The following GOLM2 variants were observed in gnomAD, a reference collection of about 807,000 sequenced individuals.
The protein encoded by GOLM2 is protein GOLM2.
A neutral mutation model predicts 55.9 loss-of-function variants in GOLM2; 26 were observed. The observed-to-expected ratio is 0.47, with a 90% CI of 0.34 to 0.65. GOLM2 has a LOEUF of 0.65. GOLM2 is among the 30% of genes least tolerant of loss of function. GOLM2 has a pLI of 0.01. For missense variants in GOLM2, 486 were observed against 531.8 expected, an observed-to-expected ratio of 0.91 and a Z score of 0.85; for synonymous variants, 165 against 194.6, an observed-to-expected ratio of 0.85 and a Z score of 1.27.
intron 6 of GOLM2, among the ~76,000 whole-genome samples, chr15:44,350,369 C>T (rs2079153440): frequency 6.6e-6 from 1 of 152,044 alleles, no homozygotes; most frequent in Admixed American, 6.6e-5. Flanking sequence ...TTTGGAAAAC[C>T]TAGAAGAAAG....
At chr15:44,335,445 T>A (rs1050604042) in intron 4 of GOLM2, among the ~76,000 whole-genome samples, 1 of 152,198 alleles carries the variant, frequency 6.6e-6, no homozygotes, top group African/African-American at 2.4e-5. Flanking sequence ...TGTTAACTAT[T>A]TTCAATGGAA....
rs2078702158 is a variant in GOLM2, at chr15:44,289,152, G to A, written c.123G>A (p.Leu41=). ...GGAGCATCTCCTCCCGCCACGTCCTGCTTCAGGAGGAGGTGGCCGAGCTGC... is the reference window on the plus strand; with the variant it reads ...GGAGCATCTCCTCCCGCCACGTCCTACTTCAGGAGGAGGTGGCCGAGCTGC... ...NYWSISSRHV[L]LQEEVAELQG... Residue 41 remains leucine, a synonymous_variant, in exon 1 of 10, where the codon CTG becomes CTA. Transcript: ENST00000299957. This position sits in a 1 kb window ranked among gnomAD's most constrained non-coding sequence, Gnocchi z 4.8. 1 of 1,614,200 alleles carries A rather than the reference G, an allele frequency of 6.2e-7. No homozygotes were observed. The highest frequency in any genetic ancestry group is 2.2e-5 in the East Asian group (1 of 44,878).
intron 1 of GOLM2, among the ~76,000 whole-genome samples, chr15:44,301,530 C>A (rs1200448083): frequency 6.6e-6 from 1 of 152,030 alleles, no homozygotes; most frequent in African/African-American, 2.4e-5. Flanking sequence ...TATACATTGA[C>A]TATGGAACTT....
rs867332901 is a variant in GOLM2 at position 44,397,497 on chromosome 15, A to C, written c.1073-5390A>C. Among the ~76,000 whole-genome samples the C allele has an allele frequency of 4.3e-3, 639 of 147,860 alleles. 4 individuals carry two copies. Among genetic ancestry groups the C allele is most frequent in the African/African-American group, 0.014 (565 of 39,790 alleles). On this transcript the variant is annotated intron_variant, in intron 8 of 9. Transcript: ENST00000299957. ...CCGTCTCAAAAAAAAAAAAAAAAAAAAAAAACAAAACCACACACACACACA... is the reference window on the plus strand; with the variant it reads ...CCGTCTCAAAAAAAAAAAAAAAAAACAAAAACAAAACCACACACACACACA...
chr15:44,334,079 TTC>T, intron 4 of GOLM2, among the ~76,000 whole-genome samples: 1 of 152,298 alleles, frequency 6.6e-6, no homozygotes, highest in Middle Eastern at 3.4e-3. Context: ...GCCAGTGTAA[TTC>T]TCTTTCTGTT....
chr15:44,321,176 T>C (rs2141129409), intron 1 of GOLM2, among the ~76,000 whole-genome samples: 1 of 151,986 alleles, frequency 6.6e-6, no homozygotes, highest in East Asian at 1.9e-4. Flanking sequence ...GGGGTGACTA[T>C]AACAGATTGC....
Position 44,367,009 on chromosome 15 carries a change from A to G in GOLM2, c.803-12681A>G, listed in dbSNP as rs143492143. On this transcript the variant is annotated intron_variant, in intron 6 of 9. Coordinates refer to ENST00000299957, the MANE Select transcript of GOLM2 (RefSeq NM_138423.4). The stretch of plus-strand genomic sequence containing the variant: ...ATCCTAACAAATTGCCAGTCTTGAT[A>G]TTAAAATTATAATTAAAAATTTTTC... 7.4e-3 allele frequency among the ~76,000 whole-genome samples: 1,128 copies of G among 152,308 alleles called. 12 individuals carry two copies. The highest frequency in any genetic ancestry group is 0.026 in the African/African-American group (1,079 of 41,598).
chr15:44,388,030 G>A (rs1408151701), intron 8 of GOLM2, among the ~76,000 whole-genome samples: 10 of 150,608 alleles, frequency 6.6e-5, no homozygotes, highest in South Asian at 2.1e-4. Flanking sequence ...GTGCAGTGGC[G>A]CAATCTCAGC....
At chr15:44,397,632 C>G (rs2079536817) in intron 8 of GOLM2, among the ~76,000 whole-genome samples, 1 of 151,890 alleles carries the variant, frequency 6.6e-6, no homozygotes, top group Non-Finnish European at 1.5e-5. Context: ...TGACTTATAG[C>G]TGTTTTCTGT....
chr15:44,392,325 T>C (rs2079496202), intron 8 of GOLM2, among the ~76,000 whole-genome samples: 1 of 151,698 alleles, frequency 6.6e-6, no homozygotes, highest in Non-Finnish European at 1.5e-5. Context: ...AATATAGATA[T>C]AAAAATCCTA....
At chr15:44,405,528 C>T (rs1027366484) in intron 9 of GOLM2, 9 of 152,012 alleles carry the variant, frequency 5.9e-5, no homozygotes, top group African/African-American at 1.9e-4. Flanking sequence ...AACATGTTTC[C>T]AGGGATCCTT....
chr15:44,321,763 A>G (rs1292015533), intron 1 of GOLM2, among the ~76,000 whole-genome samples: 3 of 152,132 alleles, frequency 2.0e-5, no homozygotes, highest in Admixed American at 1.3e-4. Flanking sequence ...TTTTAAAATA[A>G]AAAGTTTAGG....
At chr15:44,345,032 C>G (rs949335021) in intron 6 of GOLM2, among the ~76,000 whole-genome samples, 48 of 151,300 alleles carry the variant, frequency 3.2e-4, no homozygotes, top group African/African-American at 1.2e-3. Context: ...AGGATGGTCT[C>G]GATCTCCTGA....
intron 1 of GOLM2, among the ~76,000 whole-genome samples, chr15:44,294,817 C>A (rs1033459817): frequency 6.6e-6 from 1 of 150,460 alleles, no homozygotes. Flanking sequence ...ATCGTTTGAA[C>A]TGGGAAGCAG....
chr15:44,399,369 T>C (rs1259950454), intron 8 of GOLM2, among the ~76,000 whole-genome samples: 1 of 152,242 alleles, frequency 6.6e-6, no homozygotes, highest in East Asian at 1.9e-4. Context: ...AGGTTAGCTA[T>C]AAATATTTCT....
intron 8 of GOLM2, among the ~76,000 whole-genome samples, chr15:44,388,204 G>T (rs1219429861): frequency 2.0e-5 from 3 of 148,242 alleles, no homozygotes; most frequent in Non-Finnish European, 4.4e-5. Flanking sequence ...AACCTGGGAG[G>T]CGGAGGTTGC....
intron 6 of GOLM2, among the ~76,000 whole-genome samples, chr15:44,356,200 A>G (rs904434153): frequency 3.9e-5 from 6 of 152,148 alleles, no homozygotes; most frequent in Non-Finnish European, 8.8e-5. Flanking sequence ...ATTAAATCCA[A>G]AGTAAGCAAA....
At chr15:44,394,377 A>C (rs1422196718) in intron 8 of GOLM2, among the ~76,000 whole-genome samples, 1 of 152,198 alleles carries the variant, frequency 6.6e-6, no homozygotes, top group Non-Finnish European at 1.5e-5. Context: ...GTGTATCTAC[A>C]CAAATCTAGA....
At chr15:44,386,516 C>A (rs979512468) in intron 8 of GOLM2, among the ~76,000 whole-genome samples, 5 of 152,126 alleles carry the variant, frequency 3.3e-5, no homozygotes, top group Non-Finnish European at 7.3e-5. Flanking sequence ...TCTTCATGAT[C>A]CCTTGTAATT....
Sources: allele counts gnomAD v4.1 joint callset (sites outside exome capture counted in the v4.1 genomes callset), GRCh38; gene constraint gnomAD v4.1.1; non-coding constraint Gnocchi (gnomAD v3.1); transcripts MANE v1.5; gene names NCBI Gene and HGNC (gene_info 2026-07-23, HGNC 2026-07-21).